SLK: variants seen among roughly 807,000 people sequenced by gnomAD.
SLK encodes the protein STE20 like kinase.
SLK carries 67 observed loss-of-function variants against 147.7 expected under a neutral mutation model. The ratio of observed to expected loss-of-function variants is 0.45; its 90% CI spans 0.37 to 0.56. The LOEUF (loss-of-function observed/expected upper bound fraction) is 0.56. Ranked by LOEUF, SLK falls within the 20% of genes least tolerant of loss-of-function variation. The probability of loss-of-function intolerance (pLI) is 0.00; values close to 1 mark genes in which losing one functional copy is unlikely to be tolerated. For missense variants in SLK, 1,136 were observed against 1,438.8 expected, an observed-to-expected ratio of 0.79 and a Z score of 3.41; for synonymous variants, 441 against 475.0, an observed-to-expected ratio of 0.93 and a Z score of 0.93.
intron 1 of SLK, among the ~76,000 whole-genome samples, chr10:103,982,839 C>A (rs748694482): frequency 6.6e-6 from 1 of 152,214 alleles, no homozygotes; most frequent in Non-Finnish European, 1.5e-5. Context: ...ACGGAGACAG[C>A]AGAGGGCAGT....
In SLK at chr10:104,003,418, A is replaced by G. The variant is rs772972015; in HGVS notation, c.2240A>G (p.Asp747Gly). The G allele has an allele frequency of 1.9e-6, 3 of 1,614,034 alleles. No individual in the cohort carries two copies. The highest frequency in any genetic ancestry group is 2.5e-6 in the Non-Finnish European group (3 of 1,179,928). ...PPESENPKEN[D>G]NDSGTGSTAD... ...GAATCTGAGAATCCAAAGGAAAATG[A>G]TAATGATTCAGGCACTGGTTCCACT... Residue 747 changes from aspartate (D) to glycine (G), a missense_variant, in exon 9 of 19, where the codon GAT (aspartate) becomes GGT (glycine). Asp to Gly is a moderately conservative substitution (Grantham distance 94). Transcript: ENST00000369755.
intron 1 of SLK, among the ~76,000 whole-genome samples, chr10:103,968,230 T>C (rs747309317): frequency 7.9e-5 from 12 of 152,230 alleles, no homozygotes; most frequent in Non-Finnish European, 1.6e-4. Flanking sequence ...GAGAAACTCA[T>C]TGCACTTTGC....
chr10:103,994,371 A>T (rs1267705318), intron 4 of SLK, among the ~76,000 whole-genome samples: 2 of 152,052 alleles, frequency 1.3e-5, no homozygotes, highest in Non-Finnish European at 2.9e-5. Context: ...TGACTTTTAT[A>T]TTATTTCCTT....
chr10:104,011,459 A>C (rs1844398958), intron 13 of SLK, among the ~76,000 whole-genome samples: 1 of 152,236 alleles, frequency 6.6e-6, no homozygotes, highest in African/African-American at 2.4e-5. Flanking sequence ...TTTGGTTCAC[A>C]ATCCAGCAGT....
rs200936375 is a variant in SLK at position 104,006,056 on chromosome 10, C to G, written c.2604+21C>G. On this transcript the variant is annotated intron_variant, in intron 11 of 18. Transcript: ENST00000369755. Reference sequence around the variant, plus strand: ...TGATGGTAAAGTCTGATTGTTATACCATTTTATATCATTTTGTGTTAATAA... The same window carrying G: ...TGATGGTAAAGTCTGATTGTTATACGATTTTATATCATTTTGTGTTAATAA... 2.5e-6 allele frequency: 4 copies of G among 1,596,284 alleles called. No homozygotes were observed. In the Admixed American group the frequency reaches 7.3e-5, roughly 29 times the overall value.
In SLK at chr10:104,006,042, T is replaced by C. The variant is rs1844321075; in HGVS notation, c.2604+7T>C. ...CTTTGAGCAGGAAATGATGGTAAAGTCTGATTGTTATACCATTTTATATCA... is the reference window on the plus strand; with the variant it reads ...CTTTGAGCAGGAAATGATGGTAAAGCCTGATTGTTATACCATTTTATATCA... On this transcript the variant is annotated splice_region_variant and intron_variant, in intron 11 of 18. Coordinates refer to ENST00000369755, the MANE Select transcript of SLK (RefSeq NM_014720.4). 6.2e-7 allele frequency: 1 copy of C among 1,608,258 alleles called. No homozygotes were observed. Among genetic ancestry groups the C allele is most frequent in the Non-Finnish European group, 8.5e-7 (1 of 1,178,572 alleles).
chr10:104,001,188 AT>A (rs1314892983), intron 7 of SLK, among the ~76,000 whole-genome samples: 1 of 152,074 alleles, frequency 6.6e-6, no homozygotes, highest in Non-Finnish European at 1.5e-5. Context: ...CTACCCAGAT[AT>A]AACAATTCTT....
chr10:104,004,741 A>G (rs1210100804), intron 9 of SLK, among the ~76,000 whole-genome samples: 1 of 152,184 alleles, frequency 6.6e-6, no homozygotes, highest in African/African-American at 2.4e-5. Context: ...CTTCCATATC[A>G]ACACCCAGTA....
In SLK at chr10:104,019,730, A is replaced by G. The variant is rs1844510599; in HGVS notation, c.3133-4A>G. 6.2e-7 allele frequency: 1 copy of G among 1,611,038 alleles called. No homozygotes were observed. The highest frequency in any genetic ancestry group is 1.1e-5 in the South Asian group (1 of 90,996). ...TCACTGGATTCTATTTAAAACTTTC[A>G]TAGGAAACAGAGCAAATGCAGCGTT... On this transcript the variant is annotated splice_region_variant and splice_polypyrimidine_tract_variant and intron_variant, in intron 15 of 18. Transcript: ENST00000369755.
Position 104,018,107 on chromosome 10 carries a change from G to A in SLK, c.2878-53G>A. 2.1e-6 allele frequency: 3 copies of A among 1,434,796 alleles called. No homozygotes were observed. The South Asian group carries it at 3.8e-5, about 18-fold the overall frequency. 88.9% of individuals were successfully genotyped at this position (1,434,796 alleles called of 1,614,324 possible). ...AATATATACAGCCATATAGATAAATGGATGTTTAGTTCATTAGATACTTAT... is the reference window on the plus strand; with the variant it reads ...AATATATACAGCCATATAGATAAATAGATGTTTAGTTCATTAGATACTTAT... On this transcript the variant is annotated intron_variant, in intron 13 of 18. Coordinates refer to ENST00000369755, the MANE Select transcript of SLK (RefSeq NM_014720.4).
At chr10:103,990,586 A>G (rs1844079214) in intron 1 of SLK, 89 bp from the exon 2 acceptor site, 1 of 715,946 alleles carries the variant, frequency 1.4e-6, no homozygotes, top group East Asian at 3.3e-5. Flanking sequence ...TGAATTAAAT[A>G]TGAATTAAAA....
At chr10:104,006,203 G>A (rs1006903765) in intron 11 of SLK, among the ~76,000 whole-genome samples, 168 bp downstream of exon 11, 4 of 152,166 alleles carry the variant, frequency 2.6e-5, no homozygotes, top group African/African-American at 7.2e-5. Flanking sequence ...TGTTCTGGAT[G>A]CCTTTTATTG....
intron 7 of SLK, among the ~76,000 whole-genome samples, chr10:104,000,456 G>A (rs909369743): frequency 6.6e-6 from 1 of 152,146 alleles, no homozygotes; most frequent in African/African-American, 2.4e-5. Flanking sequence ...CTCCATCATA[G>A]TGTTTTAGGT....
At chr10:103,989,268 G>A (rs557248576) in intron 1 of SLK, among the ~76,000 whole-genome samples, 6 of 152,206 alleles carry the variant, frequency 3.9e-5, no homozygotes, top group African/African-American at 7.2e-5. Context: ...TATATGAAAA[G>A]ATGCTCGACA....
chr10:104,019,638 A>G, intron 15 of SLK, 96 bp from the exon 16 acceptor site: 1 of 958,752 alleles, frequency 1.0e-6, no homozygotes. Context: ...GAGGGTAATT[A>G]TAGGAAACAA....
At chr10:103,975,543 T>C (rs1843859480) in intron 1 of SLK, among the ~76,000 whole-genome samples, 1 of 152,108 alleles carries the variant, frequency 6.6e-6, no homozygotes, top group South Asian at 2.1e-4. Flanking sequence ...TACTGCAGTC[T>C]TATTGGTATG....
chr10:104,011,061 A>G (rs1032391497), intron 13 of SLK, among the ~76,000 whole-genome samples, 153 bp downstream of exon 13: 6 of 152,240 alleles, frequency 3.9e-5, no homozygotes, highest in Admixed American at 3.9e-4. Context: ...TTTATTTAAT[A>G]CTAAATTCCT....
At chr10:103,974,463 A>T (rs1200689858) in intron 1 of SLK, 1 of 145,724 alleles carries the variant, frequency 6.9e-6, no homozygotes, top group African/African-American at 2.5e-5. Flanking sequence ...TACAAAAAAA[A>T]AATTAGCCGG....
chr10:104,012,066 C>T (rs1844407934), intron 13 of SLK, among the ~76,000 whole-genome samples: 1 of 152,122 alleles, frequency 6.6e-6, no homozygotes, highest in Non-Finnish European at 1.5e-5. Flanking sequence ...TTTAATCGAT[C>T]CTTTGAATTA....
Sources: gnomAD v4.1 joint callset for allele counts (sites outside exome capture counted in the v4.1 genomes callset) on GRCh38, gnomAD v4.1.1 for gene constraint, MANE v1.5 for transcripts, NCBI Gene and HGNC (gene_info 2026-07-23, HGNC 2026-07-21) for gene names.